Variants in RNF121 observed in about 807,000 individuals in gnomAD.
RNF121 encodes E3 ubiquitin ligase RNF121.
RNF121 carries 21 observed loss-of-function variants against 46.5 expected under a neutral mutation model. The ratio of observed to expected loss-of-function variants is 0.45; its 90% confidence interval spans 0.32 to 0.65. RNF121 has a LOEUF of 0.65. Ranked by LOEUF, RNF121 falls within the 30% of genes least tolerant of loss-of-function variation. The probability of loss-of-function intolerance (pLI) is 0.04; values close to 1 mark genes in which losing one functional copy is unlikely to be tolerated. For missense variants in RNF121, 346 were observed against 416.0 expected (o/e 0.83, Z 1.46); for synonymous variants, 139 against 144.7 (o/e 0.96, Z 0.28).
rs376945162 is a variant in RNF121, at chr11:71,975,067, A to G, written c.244-7694A>G. Among the ~76,000 whole-genome samples the G allele has an allele frequency of 1.1e-4, 17 of 152,310 alleles. No homozygotes were observed. The East Asian group carries it at 3.1e-3, about 28-fold the overall frequency. ...ATCTGTGTCTACTACCAAATATAGT[A>G]TCTCTTCACATCTCTACCTCCTGAA... is the stretch of plus-strand genomic sequence containing the variant. On this transcript the variant is annotated intron_variant, in intron 3 of 8. Coordinates refer to ENST00000361756, the MANE Select transcript of RNF121 (RefSeq NM_018320.5).
chr11:71,960,983 G>T (rs1954117995), intron 3 of RNF121, 92 bp downstream of exon 3: 1 of 1,408,018 alleles, frequency 7.1e-7, no homozygotes, highest in Non-Finnish European at 9.7e-7. Flanking sequence ...AGGCCACATG[G>T]AGGTGGAGAA....
chr11:71,945,798 T>TA (rs11398516), intron 1 of RNF121, among the ~76,000 whole-genome samples: 139,640 of 151,726 alleles, frequency 0.92, 64,564 homozygotes, highest in Non-Finnish European at 0.98. Context: ...TCATCAATAA[T>TA]AAAAAAAATA....
intron 8 of RNF121, among the ~76,000 whole-genome samples, chr11:71,995,878 G>A (rs1052639884): frequency 6.6e-6 from 1 of 152,162 alleles, no homozygotes; most frequent in Non-Finnish European, 1.5e-5. Context: ...TAGTCATGGG[G>A]AACTAGGATT....
At chr11:71,995,614 C>T (rs1487113612) in intron 8 of RNF121, 63 bp downstream of exon 8, 1 of 1,355,552 alleles carries the variant, frequency 7.4e-7, no homozygotes, top group African/African-American at 1.4e-5. Flanking sequence ...GCCAGTGTGA[C>T]CTGCATTTGG....
intron 3 of RNF121, among the ~76,000 whole-genome samples, chr11:71,969,493 C>A (rs1302592057): frequency 1.3e-5 from 2 of 151,708 alleles, no homozygotes; most frequent in Non-Finnish European, 2.9e-5. Context: ...GGTATGTTTT[C>A]TTTTTTTTGG....
At chr11:71,986,355 T>A (rs1269408124) in intron 4 of RNF121, among the ~76,000 whole-genome samples, 1 of 152,204 alleles carries the variant, frequency 6.6e-6, no homozygotes, top group Admixed American at 6.5e-5. Flanking sequence ...AGCATAGTTG[T>A]GTTTAATACT....
intron 1 of RNF121, among the ~76,000 whole-genome samples, chr11:71,941,418 C>T (rs917951806): frequency 6.6e-6 from 1 of 152,172 alleles, no homozygotes; most frequent in African/African-American, 2.4e-5. Flanking sequence ...TTATTTCCTT[C>T]TTCAAATACT....
chr11:71,984,625 C>T (rs1954730553), intron 4 of RNF121, among the ~76,000 whole-genome samples: 1 of 151,920 alleles, frequency 6.6e-6, no homozygotes, highest in South Asian at 2.1e-4. Context: ...CAGGGTCTCA[C>T]TCTGTCACCC....
intron 1 of RNF121, among the ~76,000 whole-genome samples, chr11:71,937,763 C>T (rs1413517862): frequency 6.6e-6 from 1 of 152,186 alleles, no homozygotes; most frequent in Non-Finnish European, 1.5e-5. Flanking sequence ...CAGAGAATGC[C>T]TCTGGGGGAT....
chr11:71,931,649 CA>C (rs1953280674), intron 1 of RNF121, among the ~76,000 whole-genome samples: 1 of 151,988 alleles, frequency 6.6e-6, no homozygotes, highest in Non-Finnish European at 1.5e-5. Flanking sequence ...AAGAGACATG[CA>C]AATAGCGTAT....
rs531140400 is a variant in RNF121 at position 71,973,616 on chromosome 11, G to A, written c.244-9145G>A. Among the ~76,000 whole-genome samples, 287 of 152,072 alleles carry A rather than the reference G, an allele frequency of 1.9e-3. 1 individual carries two copies. The highest frequency in any genetic ancestry group is 3.6e-3 in the African/African-American group (150 of 41,530). On this transcript the variant is annotated intron_variant, in intron 3 of 8. Coordinates refer to ENST00000361756, the MANE Select transcript of RNF121 (RefSeq NM_018320.5). ...AGCCTGACCAACATGGTAAAACCCCGTCTCTACTAATAATACAAAAATTAG... is the reference window on the plus strand; with the variant it reads ...AGCCTGACCAACATGGTAAAACCCCATCTCTACTAATAATACAAAAATTAG...
chr11:71,945,755 T>A (rs1953698399), intron 1 of RNF121, among the ~76,000 whole-genome samples: 1 of 152,066 alleles, frequency 6.6e-6, no homozygotes, highest in African/African-American at 2.4e-5. Flanking sequence ...AATAAGGTAT[T>A]TGTCTATAGA....
chr11:71,958,386 G>C (rs914518858), intron 2 of RNF121, among the ~76,000 whole-genome samples: 11 of 152,204 alleles, frequency 7.2e-5, no homozygotes, highest in African/African-American at 2.2e-4. Context: ...CATTGGGAAA[G>C]AAGAGTCAAT....
At chr11:71,968,372 G>T (rs1012315465) in intron 3 of RNF121, among the ~76,000 whole-genome samples, 2 of 152,072 alleles carry the variant, frequency 1.3e-5, no homozygotes, top group African/African-American at 4.8e-5. Flanking sequence ...ATTTATGAAC[G>T]ATCTTGTTGG....
chr11:71,983,271 G>A (rs971336404), intron 4 of RNF121: 2 of 164,596 alleles, frequency 1.2e-5, no homozygotes, highest in Non-Finnish European at 2.6e-5. Context: ...TTGCACAGTA[G>A]TTTTCCTTCA....
chr11:71,946,063 T>A (rs888880070), intron 1 of RNF121, among the ~76,000 whole-genome samples: 3 of 151,916 alleles, frequency 2.0e-5, no homozygotes, highest in Non-Finnish European at 4.4e-5. Context: ...GTGAGTTATG[T>A]TTGTGCCACT....
At chr11:71,967,652 A>AC (rs1470643424) in intron 3 of RNF121, among the ~76,000 whole-genome samples, 3 of 152,020 alleles carry the variant, frequency 2.0e-5, no homozygotes, top group Non-Finnish European at 2.9e-5. Context: ...CGATCTCCTG[A>AC]CCTCGTGATC....
rs996658862 is a variant in RNF121, at chr11:71,995,146, C to T, written c.761+294C>T. 12 of 561,490 alleles carry T rather than the reference C, an allele frequency of 2.1e-5. No homozygotes were observed. The African/African-American group carries it at 2.2e-4, about 11-fold the overall frequency. The allele number at this position is 561,490 out of a possible 1,614,324, so 34.8% of individuals were successfully genotyped here. On this transcript the variant is annotated intron_variant, in intron 7 of 8. Coordinates refer to ENST00000361756, the MANE Select transcript of RNF121 (RefSeq NM_018320.5). ...GGAAGAGGACCCTCTAATGGGATCCCTCAGTTTAGCATCATCCTCTGTTCT... is the reference window on the plus strand; with the variant it reads ...GGAAGAGGACCCTCTAATGGGATCCTTCAGTTTAGCATCATCCTCTGTTCT...
intron 1 of RNF121, among the ~76,000 whole-genome samples, chr11:71,949,721 G>A (rs1300910180): frequency 1.3e-5 from 2 of 151,848 alleles, no homozygotes. Context: ...ACACGGCCGG[G>A]CACGGTGGCT....
Sources: allele counts gnomAD v4.1 joint callset (sites outside exome capture counted in the v4.1 genomes callset), GRCh38; gene constraint gnomAD v4.1.1; transcripts MANE v1.5; gene names NCBI Gene and HGNC (gene_info 2026-07-23, HGNC 2026-07-21).